SF3B3: variants seen among roughly 807,000 people sequenced by gnomAD.
SF3B3 encodes the protein SAP 130.
In SF3B3, 33 loss-of-function variants were observed where a neutral mutation model predicts 139.2. That is an observed-to-expected ratio of 0.24 (90% CI 0.18 to 0.32). The LOEUF (loss-of-function observed/expected upper bound fraction) is 0.32. Ranked by LOEUF, SF3B3 falls within the 10% of genes least tolerant of loss-of-function variation. SF3B3 has a pLI of 1.00. For synonymous variants in SF3B3, 596 were observed against 563.6 expected (o/e 1.06, Z -0.81); for missense variants, 818 against 1,509.4 (o/e 0.54, Z 7.59).
rs189845701 is a variant in SF3B3 at position 70,562,191 on chromosome 16, A to G, written c.2288+407A>G. Among the ~76,000 whole-genome samples, 14 of 152,334 alleles carry G rather than the reference A, an allele frequency of 9.2e-5. No individual in the cohort carries two copies. The East Asian group carries it at 2.7e-3, about 29-fold the overall frequency. On this transcript the variant is annotated intron_variant, in intron 17 of 25. Coordinates refer to ENST00000302516, the MANE Select transcript of SF3B3 (RefSeq NM_012426.5). ...CTATAAGTTATTTAGACCTTTTTCA[A>G]GTTGACAAAACTGTTCTTCCTGGTA... is the stretch of plus-strand genomic sequence containing the variant.
In SF3B3 at chr16:70,537,858, G is replaced by C. The variant is rs118093833; in HGVS notation, c.826-465G>C. ...AGAGGCTGAGGCGGGAGGATCCCTTGAGCCCAGGAGTTAGAGACCAGTCTG... is the reference window on the plus strand; with the variant it reads ...AGAGGCTGAGGCGGGAGGATCCCTTCAGCCCAGGAGTTAGAGACCAGTCTG... On this transcript the variant is annotated intron_variant, in intron 6 of 25. Coordinates refer to ENST00000302516, the MANE Select transcript of SF3B3 (RefSeq NM_012426.5). 5.5e-4 allele frequency: 188 copies of C among 343,900 alleles called. 1 individual carries two copies. In the East Asian group the frequency reaches 0.014, roughly 26 times the overall value. 21.3% of individuals were successfully genotyped at this position (343,900 alleles called of 1,614,324 possible). A position where few individuals can be genotyped will look rare whatever the true frequency, so the allele number is the denominator to read the frequency against.
intron 21 of SF3B3, among the ~76,000 whole-genome samples, chr16:70,567,991 T>G (rs114864702): frequency 0.012 from 1,781 of 152,140 alleles, 42 homozygotes; most frequent in African/African-American, 0.04. Context: ...GGCCCTTGAG[T>G]TTTGAGAGGA....
intron 11 of SF3B3, chr16:70,550,631 C>T: frequency 1.0e-6 from 1 of 985,484 alleles, no homozygotes; most frequent in Non-Finnish European, 1.2e-6. Context: ...AATACCAAGC[C>T]TTTTTTTCTC....
intron 10 of SF3B3, among the ~76,000 whole-genome samples, chr16:70,547,043 T>A (rs1481423907): frequency 6.6e-6 from 1 of 152,142 alleles, no homozygotes; most frequent in Non-Finnish European, 1.5e-5. Context: ...AAAAAAATTT[T>A]TTTTTAAATT....
At chr16:70,562,219 A>G (rs1567422895) in intron 17 of SF3B3, among the ~76,000 whole-genome samples, 1 of 152,188 alleles carries the variant, frequency 6.6e-6, no homozygotes, top group East Asian at 1.9e-4. Context: ...TCCTGGTAAT[A>G]TTGATGTGAA....
At chr16:70,561,924 A>G in intron 17 of SF3B3, 140 bp downstream of exon 17, 1 of 696,376 alleles carries the variant, frequency 1.4e-6, no homozygotes, top group Non-Finnish European at 2.4e-6. Flanking sequence ...TTGCAATTGA[A>G]ACCTTCATTT....
In SF3B3 at chr16:70,554,534, TGG is replaced by T; in HGVS notation, c.1493_1494del (p.Gly498ValfsTer16). On this transcript the variant is annotated frameshift_variant, in exon 12 of 26. Transcript: ENST00000302516. LOFTEE classifies it high-confidence loss of function. ...GETVEEVTDSGFLGTTPTLSC... is the reference protein window; with the variant it reads ...GETVEEVTDSXFLGTTPTLSC... ...AAACTGTAGAAGAAGTGACTGACTC[TGG>T]GTTCCTGGGGACCACCCCGACCTTG... The T allele has an allele frequency of 6.2e-7, 1 of 1,614,208 alleles. No homozygotes were observed. Among genetic ancestry groups the T allele is most frequent in the South Asian group, 1.1e-5 (1 of 91,086 alleles).
chr16:70,547,602 CT>C (rs1377300137), intron 10 of SF3B3, among the ~76,000 whole-genome samples: 7 of 151,764 alleles, frequency 4.6e-5, no homozygotes. Flanking sequence ...TGATTTCTTT[CT>C]TTTTTTTGGA....
At chr16:70,554,781 C>T (rs1394947820) in intron 12 of SF3B3, among the ~76,000 whole-genome samples, 184 bp downstream of exon 12, 5 of 152,212 alleles carry the variant, frequency 3.3e-5, no homozygotes, top group African/African-American at 1.2e-4. Context: ...TACAGAGCCA[C>T]ATCACTGCAG....
rs757257703 is a variant in SF3B3, at chr16:70,541,637, A to G, written c.1068-32A>G. 6.3e-6 allele frequency: 10 copies of G among 1,590,242 alleles called. 1 individual carries two copies. The highest frequency in any genetic ancestry group is 3.3e-4 in the Middle Eastern group (2 of 5,978). On this transcript the variant is annotated intron_variant, in intron 8 of 25. Coordinates refer to ENST00000302516, the MANE Select transcript of SF3B3 (RefSeq NM_012426.5). ...ATTATCGTCAGGCAGAGAACTCGTT[A>G]CCGAAAGTTTCTCTCCTCTGCTTCT...
Position 70,530,695 on chromosome 16 carries a change from C to T in SF3B3, c.398-50C>T, listed in dbSNP as rs888957553. 4 of 1,475,536 alleles carry T rather than the reference C, an allele frequency of 2.7e-6. No individual in the cohort carries two copies. The African/African-American group carries it at 5.6e-5, about 21-fold the overall frequency. The allele number at this position is 1,475,536 out of a possible 1,614,324, so 91.4% of individuals were successfully genotyped here. On this transcript the variant is annotated intron_variant, in intron 3 of 25. Transcript: ENST00000302516. ...GTGACTCTAGCTGTTCTATAAGTCT[C>T]TCTTCTCATTATCTGGGAATCTTGT...
chr16:70,552,345 G>A (rs79547481), intron 11 of SF3B3, among the ~76,000 whole-genome samples: 3,258 of 152,220 alleles, frequency 0.021, 131 homozygotes, highest in African/African-American at 0.074. Context: ...TTAAACAACT[G>A]TTATTTTTAC....
rs897314035 is a variant in SF3B3, at chr16:70,575,196, CTTTTTTTTTTTTTT to C, written c.*3390_*3403del. On this transcript the variant is annotated 3_prime_UTR_variant, in exon 26 of 26. Coordinates refer to ENST00000302516, the MANE Select transcript of SF3B3 (RefSeq NM_012426.5). ...TTTTCTTTTTCTTTTTCTTTTTTTT[CTTTTTTTTTTTTTT>C]TTTTTTGAGATGAAGTCTTACTCTG... The C allele has an allele frequency of 9.1e-6, 1 of 110,008 alleles. No individual in the cohort carries two copies. The highest frequency in any genetic ancestry group is 1.1e-4 in the Admixed American group (1 of 9,506). The allele number at this position is 110,008 out of a possible 1,614,324, so 6.8% of individuals were successfully genotyped here.
At chr16:70,556,655 A>G (rs1387299246) in intron 14 of SF3B3, 6 of 607,700 alleles carry the variant, frequency 9.9e-6, no homozygotes, top group Non-Finnish European at 1.7e-5. Flanking sequence ...GCTTTGCTTA[A>G]TTACCTTTGC....
chr16:70,571,655 G>A lies in SF3B3; in HGVS notation c.3514-18G>A. On this transcript the variant is annotated intron_variant, in intron 25 of 25. Coordinates refer to ENST00000302516, the MANE Select transcript of SF3B3 (RefSeq NM_012426.5). ...GCATCTCACCATTTTTTTTCTTTCT[G>A]CTTTCTCCATATCTTAGAATGTGAT... is the stretch of plus-strand genomic sequence containing the variant. 6.3e-7 allele frequency: 1 copy of A among 1,588,844 alleles called. No individual in the cohort carries two copies. The highest frequency in any genetic ancestry group is 1.1e-5 in the South Asian group (1 of 87,592).
chr16:70,541,617 C>T (rs374212620), intron 8 of SF3B3, 52 bp from the exon 9 acceptor site: 122 of 1,417,286 alleles, frequency 8.6e-5, no homozygotes, highest in East Asian at 1.1e-4. Flanking sequence ...CAGACATTAT[C>T]GTCAGGCAGA....
rs750936070 is a variant in SF3B3, at chr16:70,529,024, C to A, written c.222C>A (p.Thr74=). The A allele has an allele frequency of 1.2e-6, 2 of 1,613,994 alleles. No individual in the cohort carries two copies. Among genetic ancestry groups the A allele is most frequent in the Non-Finnish European group, 1.7e-6 (2 of 1,180,040 alleles). ...SLMAFRLTGG[T]KDYIVVGSDS... is the part of the protein sequence containing the mutation. The stretch of plus-strand genomic sequence containing the variant: ...TGGCCTTTAGGCTGACAGGTGGCAC[C>A]AAAGACTACATTGTAGTTGGCAGTG... The change falls in exon 3 of 26, where the codon ACC becomes ACA. Residue 74 remains threonine, a synonymous_variant. Transcript: ENST00000302516.
At chr16:70,559,057 G>A (rs1208807780) in intron 15 of SF3B3, among the ~76,000 whole-genome samples, 1 of 152,216 alleles carries the variant, frequency 6.6e-6, no homozygotes, top group East Asian at 1.9e-4. Flanking sequence ...GTCAGGAGGA[G>A]TGTAGTGTCT....
rs770504036 is a variant in SF3B3, at chr16:70,565,229, A to G, written c.2628A>G (p.Thr876=). ...IRVMNPIQGN[T]LDLVQLEQNE... Reference sequence around the variant, plus strand: ...TGATGAATCCCATTCAAGGGAACACACTGGACCTTGTCCAGCTGGAACAGA... The same window carrying G: ...TGATGAATCCCATTCAAGGGAACACGCTGGACCTTGTCCAGCTGGAACAGA... Residue 876 remains threonine, a synonymous_variant, in exon 19 of 26, where the codon ACA becomes ACG. Coordinates refer to ENST00000302516, the MANE Select transcript of SF3B3 (RefSeq NM_012426.5). 3 of 1,614,198 alleles carry G rather than the reference A, an allele frequency of 1.9e-6. No individual in the cohort carries two copies. Among genetic ancestry groups the G allele is most frequent in the Non-Finnish European group, 1.7e-6 (2 of 1,180,028 alleles).
Sources: gnomAD v4.1 joint callset for allele counts (sites outside exome capture counted in the v4.1 genomes callset) on GRCh38, gnomAD v4.1.1 for gene constraint, MANE v1.5 for transcripts, NCBI Gene and HGNC (gene_info 2026-07-23, HGNC 2026-07-21) for gene names.